MIB2: variants seen among roughly 807,000 people sequenced by gnomAD.
MIB2 encodes MIB E3 ubiquitin protein ligase 2.
MIB2 carries 78 observed loss-of-function variants against 96.6 expected under a neutral mutation model. That is an observed-to-expected ratio of 0.81 (90% CI 0.67 to 0.97). The LOEUF (loss-of-function observed/expected upper bound fraction) is 0.97, where lower values mean the gene tolerates loss of function less well. Among genes scored for constraint, MIB2 ranks in the 50% least tolerant of loss-of-function variants. The pLI is 0.00. For synonymous variants in MIB2, 820 were observed against 629.5 expected, an observed-to-expected ratio of 1.30 and a Z score of -4.53; for missense variants, 1,543 against 1,424.0, an observed-to-expected ratio of 1.08 and a Z score of -1.35.
Position 1,615,618 on chromosome 1 carries a change from G to T in MIB2, c.-145G>T. 2 of 1,571,634 alleles carry T rather than the reference G, an allele frequency of 1.3e-6. No individual in the cohort carries two copies. The highest frequency in any genetic ancestry group is 1.7e-6 in the Non-Finnish European group (2 of 1,162,954). On this transcript the variant is annotated 5_prime_UTR_variant, in exon 1 of 20. Coordinates refer to ENST00000355826, the MANE Select transcript of MIB2 (RefSeq NM_001170687.4). ...CTAGGTCACTGGCGCGATGCGGGCC[G>T]TCCTCTCGGCTGATGGTGCGTGCGG...
upstream of MIB2, chr1:1,615,368 T>A (rs1198942906): frequency 1.4e-6 from 2 of 1,420,282 alleles, no homozygotes; most frequent in African/African-American, 3.0e-5. Flanking sequence ...GCTCGGAACC[T>A]AGCTGCGCCA....
intron 2 of MIB2, among the ~76,000 whole-genome samples, chr1:1,621,287 G>T (rs1171127145): frequency 6.6e-6 from 1 of 152,230 alleles, no homozygotes; most frequent in African/African-American, 2.4e-5. Context: ...CGAGGGCAAG[G>T]TGGGGTTTCT....
chr1:1,627,258 C>A, intron 11 of MIB2, 38 bp from the exon 12 acceptor site: 1 of 1,612,910 alleles, frequency 6.2e-7, no homozygotes, highest in Non-Finnish European at 8.5e-7. Context: ...GAGTGAGGGG[C>A]AGAGGGCCAG....
In MIB2 at chr1:1,615,524, GC is replaced by G; in HGVS notation, c.-237del. 6.5e-7 allele frequency: 1 copy of G among 1,532,026 alleles called. No individual in the cohort carries two copies. Among genetic ancestry groups the G allele is most frequent in the Non-Finnish European group, 8.7e-7 (1 of 1,145,262 alleles). The allele number at this position is 1,532,026 out of a possible 1,614,324, so 94.9% of individuals were successfully genotyped here. Reference sequence around the variant, plus strand: ...CGCCCTTCGGGTCCCACAGTTTCCAGCCGCCGCTCTCCTCAGTGCCCGGTGG... The same window carrying G: ...CGCCCTTCGGGTCCCACAGTTTCCAGCGCCGCTCTCCTCAGTGCCCGGTGG... On this transcript the variant is annotated 5_prime_UTR_variant, in exon 1 of 20. Coordinates refer to ENST00000355826, the MANE Select transcript of MIB2 (RefSeq NM_001170687.4).
chr1:1,627,046 C>T, intron 10 of MIB2, 28 bp from the exon 11 acceptor site: 1 of 1,602,432 alleles, frequency 6.2e-7, no homozygotes, highest in South Asian at 1.1e-5. Context: ...CTGCCCCTGG[C>T]CACCACTAAC....
At chr1:1,619,321 G>A (rs2100353715) in intron 2 of MIB2, 1 of 152,498 alleles carries the variant, frequency 6.6e-6, no homozygotes, top group African/African-American at 2.4e-5. Flanking sequence ...CTTGCAGTGA[G>A]CTGAGATTGC....
At chr1:1,628,962 T>G in intron 16 of MIB2, 171 bp from the exon 17 acceptor site, 1 of 755,108 alleles carries the variant, frequency 1.3e-6, no homozygotes, top group Non-Finnish European at 2.0e-6. Context: ...GTCTCAGAGC[T>G]CACCTAGCAG....
rs1304084554 is a variant in MIB2, at chr1:1,629,367, C to T, written c.2382-18C>T. On this transcript the variant is annotated intron_variant, in intron 17 of 19. Coordinates refer to ENST00000355826, the MANE Select transcript of MIB2 (RefSeq NM_001170687.4). ...GGCGGCCTCCGGGCCCCTCTCAAGC[C>T]GCCTCCTCCCCCTGCAGGGAGCGGC... The T allele has an allele frequency of 1.4e-6, 2 of 1,436,186 alleles. No individual in the cohort carries two copies. The highest frequency in any genetic ancestry group is 1.5e-5 in the African/African-American group (1 of 66,776). 89.0% of individuals were successfully genotyped at this position (1,436,186 alleles called of 1,614,324 possible).
rs775024898 is a variant in MIB2 at position 1,626,957 on chromosome 1, G to C, written c.1198G>C (p.Asp400His). ...SCLVAYRPEE[D>H]ANLDVAERAR... ...CCTGGTGGCCTACCGGCCCGAGGAG[G>C]ATGCCAACCTGGACGTGGCCGAGCG... Residue 400 changes from aspartate (D) to histidine (H), a missense_variant, in exon 10 of 20, where the codon GAT becomes CAT. Coordinates refer to ENST00000355826, the MANE Select transcript of MIB2 (RefSeq NM_001170687.4). The surrounding 1 kb of genome is among the most constrained non-coding windows in gnomAD (Gnocchi z 5.3). 2 of 1,611,616 alleles carry C rather than the reference G, an allele frequency of 1.2e-6. No homozygotes were observed. Among genetic ancestry groups the C allele is most frequent in the Middle Eastern group, 1.7e-4 (1 of 6,058 alleles).
intron 19 of MIB2, among the ~76,000 whole-genome samples, 189 bp downstream of exon 19, chr1:1,629,893 G>GC (rs1638450238): frequency 8.5e-6 from 1 of 118,052 alleles, no homozygotes; most frequent in Non-Finnish European, 1.8e-5. Flanking sequence ...ATCACACCCG[G>GC]CCCACAGCCC....
At position 1,628,299 on chromosome 1, in the gene MIB2, C is replaced by T. The variant is rs746526676; in HGVS notation, c.1868C>T (p.Ala623Val). 22 of 1,612,860 alleles carry T rather than the reference C, an allele frequency of 1.4e-5. No homozygotes were observed. The highest frequency in any genetic ancestry group is 3.3e-5 in the South Asian group (3 of 91,092). ...GCTGTGAGAAAGATTCTGGCTCGGG[C>T]GCGGCAGCTGGTGGACGCCAAGAAG... ...ALAVRKILARARQLVDAKKED... is the reference protein window; with the variant it reads ...ALAVRKILARVRQLVDAKKED... The change falls in exon 15 of 20, where the codon GCG becomes GTG. Residue 623 changes from alanine (A) to valine (V), a missense_variant. Ala to Val is a moderately conservative substitution (Grantham distance 64). Transcript: ENST00000355826.
At chr1:1,620,576 C>T (rs951167937) in intron 2 of MIB2, among the ~76,000 whole-genome samples, 4 of 152,314 alleles carry the variant, frequency 2.6e-5, no homozygotes, top group African/African-American at 4.8e-5. Flanking sequence ...GTCTGCAACC[C>T]TAAGGAGCAG....
chr1:1,627,043 T>C (rs771268027), intron 10 of MIB2, 31 bp from the exon 11 acceptor site: 1 of 1,603,792 alleles, frequency 6.2e-7, no homozygotes, highest in South Asian at 1.1e-5. Flanking sequence ...GGGCTGCCCC[T>C]GGCCACCACT....
rs763431330 is a variant in MIB2 at position 1,630,361 on chromosome 1, G to C, written c.2699G>C (p.Ser900Thr). Reference protein sequence around the residue: ...PPRQLVEELQSRYRQMEERIT... With the variant: ...PPRQLVEELQTRYRQMEERIT... ...CGCCAGCTGGTGGAGGAGCTGCAGA[G>C]CCGCTACCGGCAGATGGAGGAACGC... is the stretch of plus-strand genomic sequence containing the variant. Residue 900 changes from serine (S) to threonine (T), a missense_variant, in exon 20 of 20, where the codon AGC becomes ACC. Coordinates refer to ENST00000355826, the MANE Select transcript of MIB2 (RefSeq NM_001170687.4). 3 of 1,542,412 alleles carry C rather than the reference G, an allele frequency of 1.9e-6. 1 individual carries two copies. The highest frequency in any genetic ancestry group is 2.4e-5 in the South Asian group (2 of 83,946).
At chr1:1,615,748 C>T in intron 1 of MIB2, 115 bp downstream of exon 1, 3 of 1,459,600 alleles carry the variant, frequency 2.1e-6, no homozygotes, top group South Asian at 2.7e-5. Flanking sequence ...CCAGCAGCCC[C>T]GGGCTGGACT....
intron 4 of MIB2, 70 bp downstream of exon 4, chr1:1,624,015 G>C: frequency 6.6e-7 from 1 of 1,510,864 alleles, no homozygotes; most frequent in Non-Finnish European, 8.9e-7. Flanking sequence ...CTTGGCCTTC[G>C]GGGAGGGTGC....
chr1:1,628,161 C>A lies in MIB2; in HGVS notation c.1823C>A (p.Ser608Tyr). Reference sequence around the variant, plus strand: ...GGTTTCACCCTGCTGCACCATGCCTCCCTCAAGGGTCACGCGCTGTGAGTG... The same window carrying A: ...GGTTTCACCCTGCTGCACCATGCCTACCTCAAGGGTCACGCGCTGTGAGTG... The part of the protein sequence containing the change: ...SQGFTLLHHA[S>Y]LKGHALAVRK... Residue 608 changes from serine (S) to tyrosine (Y), a missense_variant, in exon 14 of 20, where the codon TCC becomes TAC. By Grantham distance (144) the Ser-to-Tyr change is moderately radical. Coordinates refer to ENST00000355826, the MANE Select transcript of MIB2 (RefSeq NM_001170687.4). The A allele has an allele frequency of 6.2e-7, 1 of 1,613,400 alleles. No homozygotes were observed. The highest frequency in any genetic ancestry group is 8.5e-7 in the Non-Finnish European group (1 of 1,180,000).
chr1:1,628,808 T>TC (rs1645071766), intron 16 of MIB2, 86 bp downstream of exon 16: 1 of 1,191,564 alleles, frequency 8.4e-7, no homozygotes, highest in Non-Finnish European at 1.1e-6. Context: ...CTGTCCACCT[T>TC]CCCCTCCAGT....
chr1:1,628,770 C>T (rs1256097029), intron 16 of MIB2, 48 bp downstream of exon 16: 19 of 1,407,338 alleles, frequency 1.4e-5, no homozygotes, highest in Middle Eastern at 2.5e-4. Context: ...GTGGCGCCGG[C>T]AGCAGGCTCT....
Sources: allele counts gnomAD v4.1 joint callset (sites outside exome capture counted in the v4.1 genomes callset), GRCh38; gene constraint gnomAD v4.1.1; non-coding constraint Gnocchi (gnomAD v3.1); transcripts MANE v1.5; gene names NCBI Gene and HGNC (gene_info 2026-07-23, HGNC 2026-07-21).